The following CNTNAP2 variants were observed in gnomAD, a reference collection of about 807,000 sequenced individuals.
CNTNAP2 encodes contactin-associated protein-like 2.
In CNTNAP2, 98 loss-of-function variants were observed where a neutral mutation model predicts 155.2. The ratio of observed to expected loss-of-function variants is 0.63; its 90% CI spans 0.54 to 0.75. The LOEUF is 0.75. Among genes scored for constraint, CNTNAP2 ranks in the 30% least tolerant of loss-of-function variants. The probability of loss-of-function intolerance (pLI) is 0.00; values close to 1 mark genes in which losing one functional copy is unlikely to be tolerated. For missense variants in CNTNAP2, 1,727 were observed against 1,688.1 expected (o/e 1.02, Z -0.40); for synonymous variants, 651 against 631.2 (o/e 1.03, Z -0.47).
intron 2 of CNTNAP2, among the ~76,000 whole-genome samples, chr7:146,829,563 G>T (rs758194911): frequency 1.6e-4 from 24 of 151,878 alleles, no homozygotes; most frequent in Non-Finnish European, 2.1e-4. Context: ...AAGTCGAAAA[G>T]TATTTTTTTT....
At chr7:146,942,415 T>C (rs1486555696) in intron 3 of CNTNAP2, among the ~76,000 whole-genome samples, 1 of 151,982 alleles carries the variant, frequency 6.6e-6, no homozygotes, top group Admixed American at 6.6e-5. Context: ...ATATAATACA[T>C]GGGAGAATGA....
chr7:148,157,905 G>C (rs1266054026), intron 17 of CNTNAP2, among the ~76,000 whole-genome samples: 1 of 152,142 alleles, frequency 6.6e-6, no homozygotes, highest in Admixed American at 6.5e-5. Flanking sequence ...AAGCAAAAAT[G>C]CAAATAAAAT....
chr7:147,418,004 T>C (rs749864882), intron 10 of CNTNAP2, among the ~76,000 whole-genome samples: 3 of 152,246 alleles, frequency 2.0e-5, no homozygotes, highest in Non-Finnish European at 4.4e-5. Context: ...TTCATGTTTC[T>C]CTAGGTAATT....
chr7:146,219,829 T>C (rs952487368), intron 1 of CNTNAP2, among the ~76,000 whole-genome samples: 1 of 152,206 alleles, frequency 6.6e-6, no homozygotes, highest in Non-Finnish European at 1.5e-5. Context: ...AGTGTCAGAT[T>C]TGTAGACTGA....
intron 4 of CNTNAP2, among the ~76,000 whole-genome samples, chr7:147,045,568 G>A (rs1464117177): frequency 6.6e-6 from 1 of 152,064 alleles, no homozygotes; most frequent in Non-Finnish European, 1.5e-5. Context: ...AGCTCTTCAG[G>A]AGAATGTAGC....
At chr7:146,505,777 G>A (rs969500235) in intron 1 of CNTNAP2, among the ~76,000 whole-genome samples, 1 of 149,680 alleles carries the variant, frequency 6.7e-6, no homozygotes, top group Non-Finnish European at 1.5e-5. Context: ...CCCATACCTG[G>A]TTGGAGGAAG....
intron 9 of CNTNAP2, among the ~76,000 whole-genome samples, chr7:147,313,870 C>T (rs1023409557): frequency 2.1e-4 from 31 of 151,200 alleles, no homozygotes; most frequent in South Asian, 6.3e-4. Flanking sequence ...GCCATTTTCA[C>T]GATATTGATT....
intron 14 of CNTNAP2, among the ~76,000 whole-genome samples, chr7:147,944,334 A>G (rs1225303406): frequency 6.6e-6 from 1 of 152,230 alleles, no homozygotes; most frequent in African/African-American, 2.4e-5. Context: ...CATAAATAGC[A>G]TGGTTACTCC....
At position 146,639,206 on chromosome 7, in the gene CNTNAP2, C is replaced by T. The variant is rs566052751; in HGVS notation, c.98-135065C>T. On this transcript the variant is annotated intron_variant, in intron 1 of 23. Transcript: ENST00000361727. The stretch of plus-strand genomic sequence containing the variant: ...ATTTGAGACTAAAAGGCTAACATAC[C>T]AATTTATTTTGTATGCAGCTTTTAA... Among the ~76,000 whole-genome samples the T allele has an allele frequency of 2.0e-5, 3 of 152,238 alleles. No individual in the cohort carries two copies. In the South Asian group the frequency reaches 6.2e-4, roughly 32 times the overall value.
At chr7:147,743,633 T>C (rs1360559177) in intron 13 of CNTNAP2, among the ~76,000 whole-genome samples, 1 of 152,174 alleles carries the variant, frequency 6.6e-6, no homozygotes, top group East Asian at 1.9e-4. Flanking sequence ...TGATTTAGGA[T>C]TTCATCTTCT....
chr7:146,571,501 A>T (rs546201672), intron 1 of CNTNAP2, among the ~76,000 whole-genome samples: 39 of 152,206 alleles, frequency 2.6e-4, no homozygotes, highest in Admixed American at 1.5e-3. Flanking sequence ...TATCATTAAT[A>T]GTTTATAGGA....
chr7:147,401,751 G>A (rs550530663), intron 10 of CNTNAP2, among the ~76,000 whole-genome samples: 4 of 152,058 alleles, frequency 2.6e-5, no homozygotes, highest in Admixed American at 1.3e-4. Flanking sequence ...TAAAAGTATG[G>A]CACTTTCCCC....
intron 9 of CNTNAP2, among the ~76,000 whole-genome samples, chr7:147,347,433 TATATATGC>T (rs58163465): frequency 0.21 from 12,274 of 57,164 alleles, 743 homozygotes; most frequent in Non-Finnish European, 0.24. Flanking sequence ...TATATATATA[TATATATGC>T]ATATATATAT....
intron 13 of CNTNAP2, among the ~76,000 whole-genome samples, chr7:147,719,311 C>T (rs1231517579): frequency 6.6e-6 from 1 of 152,092 alleles, no homozygotes; most frequent in East Asian, 1.9e-4. Flanking sequence ...TACAACTGCT[C>T]AATCTACTTC....
chr7:148,042,120 C>G (rs547137350), intron 15 of CNTNAP2, among the ~76,000 whole-genome samples: 7 of 152,140 alleles, frequency 4.6e-5, no homozygotes, highest in Non-Finnish European at 8.8e-5. Flanking sequence ...ATTTCTTTTA[C>G]AATTGTGATT....
intron 1 of CNTNAP2, among the ~76,000 whole-genome samples, chr7:146,699,549 C>T (rs535966786): frequency 6.6e-6 from 1 of 152,112 alleles, no homozygotes; most frequent in Non-Finnish European, 1.5e-5. Context: ...TTATGTGATA[C>T]AAGAAGGCTA....
chr7:147,944,195 A>G (rs1563143414), intron 14 of CNTNAP2, among the ~76,000 whole-genome samples: 1 of 152,202 alleles, frequency 6.6e-6, no homozygotes, highest in East Asian at 1.9e-4. Context: ...CAATTTAGAA[A>G]ATCAGATCAG....
chr7:146,880,438 C>T (rs1313006681), intron 3 of CNTNAP2, among the ~76,000 whole-genome samples: 1 of 151,794 alleles, frequency 6.6e-6, no homozygotes, highest in Admixed American at 6.6e-5. Context: ...CTTAGAATTC[C>T]AGCTTTCAGA....
chr7:147,536,186 C>T (rs1358279134), intron 11 of CNTNAP2, among the ~76,000 whole-genome samples: 1 of 152,198 alleles, frequency 6.6e-6, no homozygotes, highest in South Asian at 2.1e-4. Context: ...ATTTTAAAAT[C>T]AATTCCTCCT....
Sources: allele counts gnomAD v4.1 joint callset (sites outside exome capture counted in the v4.1 genomes callset), GRCh38; gene constraint gnomAD v4.1.1; transcripts MANE v1.5; gene names NCBI Gene and HGNC (gene_info 2026-07-23, HGNC 2026-07-21).